The following GRIP1 variants were observed in gnomAD, a reference collection of about 807,000 sequenced individuals.
The protein encoded by GRIP1 is glutamate receptor interacting protein 1.
GRIP1 carries 45 observed loss-of-function variants against 129.9 expected under a neutral mutation model. That is an observed-to-expected ratio of 0.35 (90% CI 0.27 to 0.44). The LOEUF (loss-of-function observed/expected upper bound fraction) is 0.44, where lower values mean the gene tolerates loss of function less well. GRIP1 is among the 20% of genes least tolerant of loss of function. The pLI, the probability that GRIP1 is intolerant of heterozygous loss-of-function variation, is 1.00. For missense variants in GRIP1, 1,196 were observed against 1,396.8 expected, an observed-to-expected ratio of 0.86 and a Z score of 2.29; for synonymous variants, 530 against 520.8, an observed-to-expected ratio of 1.02 and a Z score of -0.24.
chr12:66,593,943 C>T (rs2063939918), intron 2 of GRIP1, among the ~76,000 whole-genome samples: 1 of 151,864 alleles, frequency 6.6e-6, no homozygotes, highest in Non-Finnish European at 1.5e-5. Flanking sequence ...TGGTGGATGC[C>T]TGTAGTCCCA....
At chr12:66,673,549 A>G (rs992871332) in intron 1 of GRIP1, among the ~76,000 whole-genome samples, 2 of 152,188 alleles carry the variant, frequency 1.3e-5, no homozygotes, top group Non-Finnish European at 2.9e-5. Context: ...GAGGTAAAGT[A>G]TTTCTAGCAT....
chr12:67,005,122 T>C (rs953308826), intron 1 of GRIP1, among the ~76,000 whole-genome samples: 11 of 152,130 alleles, frequency 7.2e-5, no homozygotes, highest in Admixed American at 2.6e-4. Flanking sequence ...ACCAAAGCAG[T>C]GATAAACAGG....
chr12:66,833,281 C>T (rs2039551182), intron 1 of GRIP1, among the ~76,000 whole-genome samples: 1 of 152,180 alleles, frequency 6.6e-6, no homozygotes, highest in South Asian at 2.1e-4. Flanking sequence ...CAGCTTCCAC[C>T]ACTCTCTTTA....
intron 1 of GRIP1, among the ~76,000 whole-genome samples, chr12:66,967,083 T>C (rs187826559): frequency 9.1e-4 from 139 of 152,348 alleles, no homozygotes; most frequent in African/African-American, 3.1e-3. Flanking sequence ...TCATTGTTTC[T>C]TCTTTTCTAA....
At chr12:66,619,091 A>C (rs1448069335) in intron 1 of GRIP1, among the ~76,000 whole-genome samples, 7 of 152,140 alleles carry the variant, frequency 4.6e-5, no homozygotes, top group Non-Finnish European at 1.0e-4. Context: ...TGTGCAATTA[A>C]AAATGAAAGA....
intron 1 of GRIP1, among the ~76,000 whole-genome samples, chr12:67,038,223 G>A (rs11176547): frequency 0.024 from 3,691 of 152,292 alleles, 145 homozygotes; most frequent in African/African-American, 0.084. Flanking sequence ...AAATTGAGCA[G>A]AAACACTGGC....
intron 1 of GRIP1, among the ~76,000 whole-genome samples, chr12:66,824,561 C>G (rs1417996773): frequency 6.6e-6 from 1 of 152,154 alleles, no homozygotes; most frequent in East Asian, 1.9e-4. Flanking sequence ...TTTGCATAAC[C>G]TGGACAAGTG....
At chr12:66,735,471 C>T (rs555583275) in intron 1 of GRIP1, among the ~76,000 whole-genome samples, 145 of 152,094 alleles carry the variant, frequency 9.5e-4, no homozygotes, top group Middle Eastern at 3.4e-3. Flanking sequence ...CAGGGGAATC[C>T]AAGAGCATAA....
At chr12:66,907,856 T>C (rs952139174) in intron 1 of GRIP1, among the ~76,000 whole-genome samples, 5 of 152,070 alleles carry the variant, frequency 3.3e-5, no homozygotes, top group African/African-American at 1.2e-4. Context: ...TCTGAATTAT[T>C]TGAGGGGAGG....
intron 1 of GRIP1, among the ~76,000 whole-genome samples, chr12:66,598,675 T>C (rs963129657): frequency 6.6e-6 from 1 of 152,194 alleles, no homozygotes; most frequent in African/African-American, 2.4e-5. Flanking sequence ...TATTAAAACC[T>C]GGGATTCTTT....
intron 1 of GRIP1, among the ~76,000 whole-genome samples, chr12:67,020,720 C>T (rs2042853482): frequency 6.6e-6 from 1 of 152,012 alleles, no homozygotes. Context: ...AGAGTAAGCC[C>T]ATATTATTGA....
chr12:66,622,460 G>T (rs2065316630), intron 1 of GRIP1, among the ~76,000 whole-genome samples: 1 of 152,086 alleles, frequency 6.6e-6, no homozygotes, highest in Non-Finnish European at 1.5e-5. Flanking sequence ...AGATAATTGA[G>T]ATGCTGGATA....
At chr12:66,569,091 T>C (rs1281995651) in intron 2 of GRIP1, 1 of 228,396 alleles carries the variant, frequency 4.4e-6, no homozygotes, top group Non-Finnish European at 8.8e-6. Flanking sequence ...TATTTGCTTC[T>C]CTTTGAGAGT....
chr12:66,425,823 G>A (rs980024936), intron 14 of GRIP1, among the ~76,000 whole-genome samples: 1 of 152,042 alleles, frequency 6.6e-6, no homozygotes, highest in African/African-American at 2.4e-5. Context: ...GGACAGTTGT[G>A]GGGTGGGGGA....
At chr12:66,696,138 T>C (rs139192404) in intron 1 of GRIP1, among the ~76,000 whole-genome samples, 79 of 152,294 alleles carry the variant, frequency 5.2e-4, no homozygotes, top group Middle Eastern at 6.8e-3. Flanking sequence ...AACCCCATTT[T>C]TTTTTTAAAG....
At chr12:66,420,610 T>G in intron 15 of GRIP1, 110 bp downstream of exon 15, 2 of 741,030 alleles carry the variant, frequency 2.7e-6, no homozygotes, top group Non-Finnish European at 4.9e-6. Flanking sequence ...CTTGGAAGTT[T>G]TTGAAAATAC....
intron 1 of GRIP1, among the ~76,000 whole-genome samples, chr12:67,003,119 T>A (rs1039447896): frequency 2.0e-5 from 3 of 152,084 alleles, no homozygotes; most frequent in Non-Finnish European, 2.9e-5. Flanking sequence ...AAAAAAAAAA[T>A]TCTAAATGTG....
In GRIP1 at chr12:66,637,318, G is replaced by A. The variant is rs375036950; in HGVS notation, c.56-40391C>T. ...GATGAAATCTTTGAGGGATATAGAG[G>A]GGCTTAACATGGTTACCAATATTCT... On this transcript the variant is annotated intron_variant, in intron 1 of 24. Coordinates refer to ENST00000359742, the MANE Select transcript of GRIP1 (RefSeq NM_001366722.1). Among the ~76,000 whole-genome samples the A allele has an allele frequency of 6.2e-3, 945 of 152,036 alleles. 2 individuals are homozygous for A. Among genetic ancestry groups the A allele is most frequent in the Non-Finnish European group, 0.01 (686 of 67,976 alleles).
intron 1 of GRIP1, among the ~76,000 whole-genome samples, chr12:66,819,851 C>T (rs1267382238): frequency 6.6e-6 from 1 of 152,180 alleles, no homozygotes; most frequent in Non-Finnish European, 1.5e-5. Flanking sequence ...ACAGGTGAAT[C>T]AGAGAATCAC....
Sources: gnomAD v4.1 joint callset for allele counts (sites outside exome capture counted in the v4.1 genomes callset) on GRCh38, gnomAD v4.1.1 for gene constraint, MANE v1.5 for transcripts, NCBI Gene and HGNC (gene_info 2026-07-23, HGNC 2026-07-21) for gene names.